DMD: variants seen among roughly 807,000 people sequenced by gnomAD.
DMD encodes dystrophin, also known as mutant dystrophin.
DMD carries 63 observed loss-of-function variants against 330.1 expected under a neutral mutation model. The ratio of observed to expected loss-of-function variants is 0.19; its 90% CI spans 0.16 to 0.24. DMD has a LOEUF of 0.24. DMD is among the 10% of genes least tolerant of loss of function. The pLI, the probability that DMD is intolerant of heterozygous loss-of-function variation, is 1.00. For synonymous variants in DMD, 1,223 were observed against 959.8 expected (o/e 1.27, Z -5.07); for missense variants, 3,344 against 2,684.1 (o/e 1.25, Z -5.43).
rs191904428 is a variant in DMD, at chrX:32,901,560, A to G, written c.94-51740T>C. Among the ~76,000 whole-genome samples the G allele has an allele frequency of 1.1e-3, 125 of 111,262 alleles. No homozygotes were observed. The East Asian group carries it at 0.024, about 21-fold the overall frequency. On this transcript the variant is annotated intron_variant, in intron 2 of 78. Coordinates refer to ENST00000357033, the MANE Select transcript of DMD (RefSeq NM_004006.3). ...TGAGAAATTACCTAACTTTGAAAAA[A>G]TATTCATTAAAAAGTCCATATTCCA...
At chrX:31,431,299 C>G (rs931188176) in intron 60 of DMD, among the ~76,000 whole-genome samples, 1 of 111,570 alleles carries the variant, frequency 9.0e-6, no homozygotes, top group Non-Finnish European at 1.9e-5. Context: ...GAATGGAATG[C>G]CAAAAGTAAG....
chrX:32,114,801 T>C (rs1418072268), intron 44 of DMD, among the ~76,000 whole-genome samples: 3 of 112,641 alleles, frequency 2.7e-5, no homozygotes, highest in African/African-American at 6.5e-5. Flanking sequence ...TCAACAAATG[T>C]CTTTTAATTA....
chrX:32,677,823 C>T (rs1602872713), intron 9 of DMD, among the ~76,000 whole-genome samples: 1 of 110,821 alleles, frequency 9.0e-6, no homozygotes, highest in East Asian at 2.8e-4. Context: ...CATTATAGCA[C>T]GATTAAAAAT....
At chrX:31,449,940 C>T (rs1482885511) in intron 59 of DMD, among the ~76,000 whole-genome samples, 1 of 107,823 alleles carries the variant, frequency 9.3e-6, no homozygotes, top group South Asian at 4.1e-4. Context: ...TCCTATCTCA[C>T]TTACTAGGAA....
chrX:32,322,445 C>A (rs1276219846), intron 41 of DMD, among the ~76,000 whole-genome samples: 1 of 110,649 alleles, frequency 9.0e-6, no homozygotes, highest in East Asian at 2.9e-4. Flanking sequence ...GGCCTGTAGT[C>A]CCAGCCACTA....
chrX:33,254,857 G>A (rs1260148614), intron 1 of DMD, among the ~76,000 whole-genome samples: 1 of 110,044 alleles, frequency 9.1e-6, no homozygotes, highest in Non-Finnish European at 1.9e-5. Flanking sequence ...ATTTTCATAT[G>A]ACAAAAGCTC....
At chrX:32,891,657 GTAAAATTTGGA>G (rs1406554867) in intron 2 of DMD, among the ~76,000 whole-genome samples, 1 of 111,815 alleles carries the variant, frequency 8.9e-6, no homozygotes, top group African/African-American at 3.3e-5. Flanking sequence ...TCTCTGATCA[GTAAAATTTGGA>G]TGAAATATGC....
At chrX:33,074,418 T>C (rs1479360259) in intron 1 of DMD, among the ~76,000 whole-genome samples, 2 of 110,228 alleles carry the variant, frequency 1.8e-5, no homozygotes, top group Non-Finnish European at 3.8e-5. Context: ...ACACTATATT[T>C]TTTTTTTTTG....
chrX:31,993,186 G>A lies in DMD; in HGVS notation c.6439-24672C>T, dbSNP rs756442544. On this transcript the variant is annotated intron_variant, in intron 44 of 78. Transcript: ENST00000357033. ...GGTAATTAAATGTGTCGTAGAGGTA[G>A]AAAGAAGACCCTGGGTAAAGGAAAA... 3.6e-5 allele frequency among the ~76,000 whole-genome samples: 4 copies of A among 111,458 alleles called. No homozygotes were observed. In the South Asian group the frequency reaches 1.5e-3, roughly 42 times the overall value.
At chrX:31,283,381 A>G (rs910333038) in intron 62 of DMD, among the ~76,000 whole-genome samples, 2 of 111,690 alleles carry the variant, frequency 1.8e-5, no homozygotes, top group East Asian at 5.6e-4. Flanking sequence ...TTGGTGAAGA[A>G]AGCCCAAAAT....
chrX:31,380,672 A>C lies in DMD; in HGVS notation c.9085-32038T>G, dbSNP rs374310478. Among the ~76,000 whole-genome samples the C allele has an allele frequency of 9.4e-3, 1,048 of 110,989 alleles. 16 individuals carry two copies. The highest frequency in any genetic ancestry group is 0.032 in the African/African-American group (980 of 30,359). ...TATCAACCAAATTGTTTTGCCTATC[A>C]ACCCTGTGGTGCCAAACCCATATAC... On this transcript the variant is annotated intron_variant, in intron 60 of 78. Transcript: ENST00000357033.
At chrX:31,840,428 T>C (rs1184499834) in intron 48 of DMD, among the ~76,000 whole-genome samples, 1 of 111,133 alleles carries the variant, frequency 9.0e-6, no homozygotes, top group Non-Finnish European at 1.9e-5. Context: ...AACATATATG[T>C]ATAATATGCA....
chrX:31,886,413 T>A (rs2094155159), intron 47 of DMD, among the ~76,000 whole-genome samples: 1 of 111,635 alleles, frequency 9.0e-6, no homozygotes, highest in South Asian at 3.7e-4. Context: ...AAACAATTCA[T>A]CTTTTTGACA....
At chrX:31,995,345 A>C (rs1246403802) in intron 44 of DMD, among the ~76,000 whole-genome samples, 7 of 111,767 alleles carry the variant, frequency 6.3e-5, no homozygotes, top group Non-Finnish European at 9.4e-5. Context: ...ACATATGTAC[A>C]AGTGTCAATA....
intron 52 of DMD, among the ~76,000 whole-genome samples, chrX:31,705,937 A>C (rs2084150359): frequency 9.0e-6 from 1 of 111,568 alleles, no homozygotes; most frequent in African/African-American, 3.3e-5. Context: ...AAATGCATGA[A>C]ATTGAAATAA....
intron 20 of DMD, among the ~76,000 whole-genome samples, chrX:32,489,589 G>A (rs1423439831): frequency 1.8e-5 from 2 of 111,338 alleles, no homozygotes; most frequent in Admixed American, 1.9e-4. Flanking sequence ...AGAACTCTCA[G>A]AAAATAAACC....
intron 7 of DMD, among the ~76,000 whole-genome samples, chrX:32,753,777 G>A (rs112710351): frequency 2.1e-4 from 23 of 111,590 alleles, no homozygotes; most frequent in African/African-American, 7.2e-4. Flanking sequence ...CTCCCTTTCT[G>A]TACTTGCGTC....
At chrX:32,765,643 T>A (rs997192998) in intron 7 of DMD, among the ~76,000 whole-genome samples, 2 of 111,596 alleles carry the variant, frequency 1.8e-5, no homozygotes, top group Non-Finnish European at 3.8e-5. Context: ...AAACATCTTC[T>A]CCCATTCCGT....
At chrX:32,971,501 A>C (rs765926880) in intron 2 of DMD, among the ~76,000 whole-genome samples, 1 of 111,176 alleles carries the variant, frequency 9.0e-6, no homozygotes, top group South Asian at 3.8e-4. Flanking sequence ...TTTATTGCTG[A>C]ATGATTTACA....
Sources: gnomAD v4.1 joint callset for allele counts (sites outside exome capture counted in the v4.1 genomes callset) on GRCh38, gnomAD v4.1.1 for gene constraint, MANE v1.5 for transcripts, NCBI Gene and HGNC (gene_info 2026-07-23, HGNC 2026-07-21) for gene names.